NFIA: variants seen among roughly 807,000 people sequenced by gnomAD.
NFIA encodes nuclear factor I A, also known as nuclear factor 1 A-type.
In NFIA, 8 loss-of-function variants were observed where a neutral mutation model predicts 62.8. That is an observed-to-expected ratio of 0.13 (90% CI 0.07 to 0.23). The LOEUF (loss-of-function observed/expected upper bound fraction) is 0.23. Ranked by LOEUF, NFIA falls within the 10% of genes least tolerant of loss-of-function variation. NFIA has a pLI of 1.00. For missense variants in NFIA, 410 were observed against 642.1 expected (o/e 0.64, Z 3.91); for synonymous variants, 235 against 238.1 (o/e 0.99, Z 0.12).
Position 61,461,745 on chromosome 1 carries a change from C to T in NFIA, c.*6425C>T, listed in dbSNP as rs1299272351. ...AAAAATAAACTTTCCCAAAATGTGT[C>T]TGAACCACAAGAGCATACAGTGGAA... is the stretch of plus-strand genomic sequence containing the variant. On this transcript the variant is annotated 3_prime_UTR_variant, in exon 11 of 11. Transcript: ENST00000403491. The T allele has an allele frequency of 6.6e-6, 1 of 152,168 alleles. No individual in the cohort carries two copies. The highest frequency in any genetic ancestry group is 2.4e-5 in the African/African-American group (1 of 41,448). 9.4% of individuals were successfully genotyped at this position (152,168 alleles called of 1,614,324 possible). A position where few individuals can be genotyped will look rare whatever the true frequency, so the allele number is the denominator to read the frequency against.
intron 2 of NFIA, among the ~76,000 whole-genome samples, chr1:61,105,183 T>C (rs1470967292): frequency 6.6e-6 from 1 of 151,988 alleles, no homozygotes; most frequent in Non-Finnish European, 1.5e-5. Context: ...TCAAGGTCAA[T>C]GTGTGGCCAG....
chr1:61,284,874 T>C (rs1024528090), intron 3 of NFIA, among the ~76,000 whole-genome samples: 5 of 152,064 alleles, frequency 3.3e-5, no homozygotes, highest in Admixed American at 6.5e-5. Context: ...TCAAATTCGT[T>C]TGTGCCTCTG....
At chr1:61,349,275 T>C (rs1188490409) in intron 4 of NFIA, among the ~76,000 whole-genome samples, 1 of 152,224 alleles carries the variant, frequency 6.6e-6, no homozygotes, top group African/African-American at 2.4e-5. Context: ...TACTGAGAGA[T>C]GTGTTTGAAT....
chr1:61,340,327 C>T (rs948434735), intron 4 of NFIA, among the ~76,000 whole-genome samples: 2 of 152,156 alleles, frequency 1.3e-5, no homozygotes, highest in African/African-American at 2.4e-5. Context: ...TTCAAGATGG[C>T]AGCATGATAT....
chr1:61,297,045 A>G (rs946666312), intron 3 of NFIA, among the ~76,000 whole-genome samples: 4 of 152,204 alleles, frequency 2.6e-5, no homozygotes, highest in Admixed American at 2.0e-4. Flanking sequence ...TAAATCGTTC[A>G]TTTATTCCAC....
At chr1:61,319,433 C>T (rs1347095050) in intron 3 of NFIA, among the ~76,000 whole-genome samples, 1 of 151,978 alleles carries the variant, frequency 6.6e-6, no homozygotes, top group African/African-American at 2.4e-5. Context: ...ACTGAGTACC[C>T]ACCATATGTC....
chr1:61,320,470 T>A (rs1233853789), intron 3 of NFIA, among the ~76,000 whole-genome samples: 1 of 152,240 alleles, frequency 6.6e-6, no homozygotes, highest in Non-Finnish European at 1.5e-5. Flanking sequence ...CATTTTGTGG[T>A]TCTAAACATT....
chr1:61,118,211 G>T (rs202241608), intron 2 of NFIA, among the ~76,000 whole-genome samples: 2 of 149,302 alleles, frequency 1.3e-5, no homozygotes, highest in African/African-American at 4.9e-5. Flanking sequence ...AAAAAGAAAA[G>T]AAAAAAAAGA....
chr1:61,307,233 T>C (rs1235769766), intron 3 of NFIA, among the ~76,000 whole-genome samples: 1 of 152,170 alleles, frequency 6.6e-6, no homozygotes, highest in Non-Finnish European at 1.5e-5. Flanking sequence ...TGGGGCCTTT[T>C]GGGAGACTAG....
intron 2 of NFIA, among the ~76,000 whole-genome samples, chr1:61,135,040 T>C (rs2100495734): frequency 6.6e-6 from 1 of 152,358 alleles, no homozygotes; most frequent in Admixed American, 6.5e-5. Flanking sequence ...CCCATTCTTT[T>C]CCCACATTTA....
chr1:61,096,665 G>C (rs1646421446), intron 2 of NFIA, among the ~76,000 whole-genome samples: 1 of 143,654 alleles, frequency 7.0e-6, no homozygotes, highest in Admixed American at 7.5e-5. Context: ...CAATTCTCCT[G>C]CCTCAGTCTC....
intron 7 of NFIA, among the ~76,000 whole-genome samples, chr1:61,400,745 GT>G (rs1301766257): frequency 1.3e-5 from 2 of 152,100 alleles, no homozygotes; most frequent in African/African-American, 4.8e-5. Context: ...CATAATGGTA[GT>G]TTTTTTCTAT....
At chr1:61,203,379 G>A (rs1238466163) in intron 2 of NFIA, among the ~76,000 whole-genome samples, 3 of 152,138 alleles carry the variant, frequency 2.0e-5, no homozygotes, top group African/African-American at 4.8e-5. Context: ...ATTAAAGCAC[G>A]AGTTCCACGG....
At chr1:61,130,330 T>C (rs1570225891) in intron 2 of NFIA, among the ~76,000 whole-genome samples, 1 of 152,124 alleles carries the variant, frequency 6.6e-6, no homozygotes, top group Non-Finnish European at 1.5e-5. Flanking sequence ...CAGACAGATG[T>C]CATCTTACTC....
rs1283827402 is a variant in NFIA, at chr1:61,317,995, C to T, written c.626-14517C>T. On this transcript the variant is annotated intron_variant, in intron 3 of 10. Coordinates refer to ENST00000403491, the MANE Select transcript of NFIA (RefSeq NM_001134673.4). ...TATAATTTCTGTAATACTGCCCCTC[C>T]TACTTTATTGTAAATAAATAATATC... Among the ~76,000 whole-genome samples the T allele has an allele frequency of 3.9e-5, 6 of 152,044 alleles. No individual in the cohort carries two copies. In the South Asian group the frequency reaches 1.0e-3, roughly 26 times the overall value.
At chr1:61,122,778 T>G (rs1338018769) in intron 2 of NFIA, among the ~76,000 whole-genome samples, 1 of 152,184 alleles carries the variant, frequency 6.6e-6, no homozygotes, top group African/African-American at 2.4e-5. Flanking sequence ...TTAATTTAAA[T>G]TTTTAAGTTC....
At chr1:61,176,746 A>G (rs1033839314) in intron 2 of NFIA, among the ~76,000 whole-genome samples, 2 of 152,166 alleles carry the variant, frequency 1.3e-5, no homozygotes, top group South Asian at 2.1e-4. Flanking sequence ...CTATGCTTGT[A>G]TACATTCTTT....
intron 2 of NFIA, among the ~76,000 whole-genome samples, chr1:61,215,696 A>G (rs562453921): frequency 7.2e-5 from 11 of 152,388 alleles, no homozygotes; most frequent in Admixed American, 7.2e-4. Context: ...TATTTGACTT[A>G]TAAATGACCT....
intron 2 of NFIA, among the ~76,000 whole-genome samples, chr1:61,183,543 G>C (rs1650901417): frequency 6.6e-6 from 1 of 152,232 alleles, no homozygotes; most frequent in Admixed American, 6.5e-5. Flanking sequence ...CCAGTGGCCA[G>C]GTGCTTTATG....
Sources: allele counts gnomAD v4.1 joint callset (sites outside exome capture counted in the v4.1 genomes callset), GRCh38; gene constraint gnomAD v4.1.1; transcripts MANE v1.5; gene names NCBI Gene and HGNC (gene_info 2026-07-23, HGNC 2026-07-21).